The following FCHO1 variants were observed in gnomAD, a reference collection of about 807,000 sequenced individuals.
FCHO1 encodes the protein FCH and mu domain containing endocytic adaptor 1, also known as F-BAR domain only protein 1.
FCHO1 carries 45 observed loss-of-function variants against 114.4 expected under a neutral mutation model. That is an observed-to-expected ratio of 0.39 (90% CI 0.31 to 0.50). The LOEUF (loss-of-function observed/expected upper bound fraction) is 0.50. Ranked by LOEUF, FCHO1 falls within the 20% of genes least tolerant of loss-of-function variation. The probability of loss-of-function intolerance (pLI) is 0.77; values close to 1 mark genes in which losing one functional copy is unlikely to be tolerated. For synonymous variants in FCHO1, 480 were observed against 488.9 expected (o/e 0.98, Z 0.24); for missense variants, 1,042 against 1,209.6 (o/e 0.86, Z 2.06).
At chr19:17,763,641 T>TCGACCTAC (rs1375492865) in intron 5 of FCHO1, among the ~76,000 whole-genome samples, 118 of 139,876 alleles carry the variant, frequency 8.4e-4, no homozygotes, top group Admixed American at 6.6e-4. Flanking sequence ...CACTGCAGCC[T>TCGACCTAC]CGACCTACCG....
intron 20 of FCHO1, 50 bp downstream of exon 20, chr19:17,778,934 G>T (rs772798550): frequency 5.4e-6 from 8 of 1,472,774 alleles, no homozygotes; most frequent in Non-Finnish European, 7.2e-6. Flanking sequence ...CTGGGCGGGG[G>T]ATTGAGCGCC....
At position 17,776,600 on chromosome 19, in the gene FCHO1, T is replaced by C. The variant is rs890809701; in HGVS notation, c.1208-35T>C. On this transcript the variant is annotated intron_variant, in intron 17 of 28. Transcript: ENST00000596536. This position sits in a 1 kb window ranked among gnomAD's most constrained non-coding sequence, Gnocchi z 4.4. ...GGAGTGGGGAGCATTGCAGGCAGGG[T>C]GACAAGAAGGCTGAAGGAGGTGCAT... 1.1e-5 allele frequency: 18 copies of C among 1,611,996 alleles called. No individual in the cohort carries two copies. Among genetic ancestry groups the C allele is most frequent in the Non-Finnish European group, 1.5e-5 (18 of 1,178,416 alleles).
intron 4 of FCHO1, among the ~76,000 whole-genome samples, chr19:17,761,063 A>G (rs535649601): frequency 1.1e-4 from 17 of 152,188 alleles, no homozygotes; most frequent in Non-Finnish European, 1.8e-4. Flanking sequence ...AAATTGGAGT[A>G]AAGAGATTTT....
chr19:17,781,068 C>T (rs2093361416), intron 20 of FCHO1, among the ~76,000 whole-genome samples, 163 bp from the exon 21 acceptor site: 1 of 152,186 alleles, frequency 6.6e-6, no homozygotes, highest in African/African-American at 2.4e-5. Flanking sequence ...ACAGTATCTG[C>T]AGTCCTGTCT....
chr19:17,766,852 A>G, intron 7 of FCHO1, 42 bp downstream of exon 7: 1 of 1,595,802 alleles, frequency 6.3e-7, no homozygotes, highest in Non-Finnish European at 8.6e-7. Context: ...GTGGGTGTGG[A>G]ACACCGGCAG....
Position 17,785,533 on chromosome 19 carries a change from AT to A in FCHO1, c.2426+610del, listed in dbSNP as rs143186067. Among the ~76,000 whole-genome samples the A allele has an allele frequency of 8.3e-3, 1,265 of 152,198 alleles. 14 individuals carry two copies. Among genetic ancestry groups the A allele is most frequent in the African/African-American group, 0.028 (1,157 of 41,552 alleles). On this transcript the variant is annotated intron_variant, in intron 26 of 28. Coordinates refer to ENST00000596536, the MANE Select transcript of FCHO1 (RefSeq NM_015122.3). ...CCACTGCACCCAGCCTTACAAAAAA[AT>A]ATTTTAAAAAGTAGTCAGGCCGGGT... is the stretch of plus-strand genomic sequence containing the variant.
intron 4 of FCHO1, among the ~76,000 whole-genome samples, chr19:17,759,226 C>CTTTTTTTTTTTTG (rs2085068676): frequency 9.4e-6 from 1 of 105,920 alleles, no homozygotes; most frequent in Non-Finnish European, 1.8e-5. Flanking sequence ...AGCTGATTAC[C>CTTTTTTTTTTTTG]TTTTTTTTTT....
rs149617718 is a variant in FCHO1, at chr19:17,775,990, C to G, written c.1011C>G (p.Ala337=). The part of the protein sequence containing the change: ...VRPDVTQNST[A]EPSRFSSSDS... ...ACCTTGACTGCAGCCCACGCACGGC[C>G]GAGCCCTCCCGTTTCTCGTCCAGCG... is the stretch of plus-strand genomic sequence containing the variant. The change falls in exon 16 of 29, where the codon GCC becomes GCG. Residue 337 remains alanine, a synonymous_variant. Coordinates refer to ENST00000596536, the MANE Select transcript of FCHO1 (RefSeq NM_015122.3). This position sits in a 1 kb window ranked among gnomAD's most constrained non-coding sequence, Gnocchi z 5.1. 1 of 1,607,022 alleles carries G rather than the reference C, an allele frequency of 6.2e-7. No homozygotes were observed. Among genetic ancestry groups the G allele is most frequent in the Non-Finnish European group, 8.5e-7 (1 of 1,179,848 alleles).
At chr19:17,772,775 G>A (rs754992597) in intron 11 of FCHO1, 34 bp downstream of exon 11, 10 of 1,529,046 alleles carry the variant, frequency 6.5e-6, no homozygotes, top group East Asian at 4.5e-5. Flanking sequence ...GTCGGGCTTC[G>A]GGGCCACAGC....
Position 17,775,532 on chromosome 19 carries a change from C to T in FCHO1, c.1003+19C>T. ...CAGAACAATATCCTTCTGGCACCCC[C>T]TGGGGGCAGTTGTTGGCACAGCAAG... On this transcript the variant is annotated intron_variant, in intron 15 of 28. Transcript: ENST00000596536. This position sits in a 1 kb window ranked among gnomAD's most constrained non-coding sequence, Gnocchi z 5.1. 6.2e-7 allele frequency: 1 copy of T among 1,612,656 alleles called. No homozygotes were observed. The highest frequency in any genetic ancestry group is 8.5e-7 in the Non-Finnish European group (1 of 1,178,878).
chr19:17,751,092 G>A (rs779586824), upstream of FCHO1, among the ~76,000 whole-genome samples: 3 of 151,992 alleles, frequency 2.0e-5, no homozygotes, highest in African/African-American at 4.8e-5. The surrounding 1 kb of genome is among the most constrained non-coding windows in gnomAD (Gnocchi z 4.4). Context: ...CACCCACCTT[G>A]GCCTCTCAAA....
chr19:17,748,509 G>GC (rs913511449), upstream of FCHO1, among the ~76,000 whole-genome samples: 1 of 137,196 alleles, frequency 7.3e-6, no homozygotes. Context: ...CCTGGACTTG[G>GC]GGGGGGGGTC....
chr19:17,772,410 T>C, intron 9 of FCHO1, 47 bp from the exon 10 acceptor site: 1 of 1,445,840 alleles, frequency 6.9e-7, no homozygotes, highest in African/African-American at 1.4e-5. Context: ...GGCCACTTCT[T>C]CTTGGCCCTG....
At chr19:17,774,321 T>C (rs1442142676) in intron 12 of FCHO1, 38 bp downstream of exon 12, 2 of 1,613,106 alleles carry the variant, frequency 1.2e-6, no homozygotes, top group South Asian at 2.2e-5. Flanking sequence ...GGCTGGACCA[T>C]GGGGGTGAGG....
At chr19:17,787,936 G>A (rs1216640766) in intron 28 of FCHO1, 90 bp downstream of exon 28, 11 of 1,452,654 alleles carry the variant, frequency 7.6e-6, no homozygotes, top group East Asian at 7.2e-5. Flanking sequence ...GGGGTGTGGG[G>A]ATCCTTGGGA....
upstream of FCHO1, among the ~76,000 whole-genome samples, chr19:17,749,117 C>T (rs933280519): frequency 6.6e-6 from 1 of 152,128 alleles, no homozygotes; most frequent in African/African-American, 2.4e-5. Flanking sequence ...CACCCTGACC[C>T]ACATACCATC....
intron 4 of FCHO1, among the ~76,000 whole-genome samples, chr19:17,760,877 G>A (rs1296568486): frequency 1.3e-5 from 2 of 152,086 alleles, no homozygotes; most frequent in Non-Finnish European, 2.9e-5. Flanking sequence ...TCGAACTCAA[G>A]ACCTCAAGTG....
intron 4 of FCHO1, among the ~76,000 whole-genome samples, chr19:17,760,126 A>ACT (rs2085493299): frequency 6.6e-6 from 1 of 150,832 alleles, no homozygotes; most frequent in South Asian, 2.1e-4. Context: ...ATCTCAGCTC[A>ACT]CTACAACCTC....
At chr19:17,782,380 CT>C (rs2093502401) in intron 23 of FCHO1, among the ~76,000 whole-genome samples, 1 of 151,936 alleles carries the variant, frequency 6.6e-6, no homozygotes. Context: ...GATTTTGTGT[CT>C]TTAGTAGAGA....
Sources: gnomAD v4.1 joint callset for allele counts (sites outside exome capture counted in the v4.1 genomes callset) on GRCh38, gnomAD v4.1.1 for gene constraint, Gnocchi (gnomAD v3.1) non-coding constraint, MANE v1.5 for transcripts, NCBI Gene and HGNC (gene_info 2026-07-23, HGNC 2026-07-21) for gene names.